PTPRN: variants seen among roughly 807,000 people sequenced by gnomAD.
PTPRN encodes the protein protein tyrosine phosphatase receptor type N.
In PTPRN, 70 loss-of-function variants were observed where a neutral mutation model predicts 108.5. The ratio of observed to expected loss-of-function variants is 0.65; its 90% confidence interval spans 0.53 to 0.79. The LOEUF (loss-of-function observed/expected upper bound fraction) is 0.79, where lower values mean the gene tolerates loss of function less well. Among genes scored for constraint, PTPRN ranks in the 30% least tolerant of loss-of-function variants. The probability of loss-of-function intolerance (pLI) is 0.00; values close to 1 mark genes in which losing one functional copy is unlikely to be tolerated. For synonymous variants in PTPRN, 496 were observed against 524.6 expected (o/e 0.95, Z 0.75); for missense variants, 1,136 against 1,295.5 (o/e 0.88, Z 1.89).
chr2:219,291,104 G>A (rs1257467009), intron 20 of PTPRN, among the ~76,000 whole-genome samples: 1 of 152,120 alleles, frequency 6.6e-6, no homozygotes, highest in Non-Finnish European at 1.5e-5. Context: ...TGTGACCTGT[G>A]GGTGTCATTT....
intron 19 of PTPRN, chr2:219,291,735 G>A (rs1286366713): frequency 1.7e-6 from 1 of 598,704 alleles, no homozygotes; most frequent in Non-Finnish European, 3.0e-6. Context: ...TGCAAGCTAG[G>A]TGCCCAAGCT....
At chr2:219,299,517 AG>A in intron 10 of PTPRN, 133 bp from the exon 11 acceptor site, 1 of 1,180,246 alleles carries the variant, frequency 8.5e-7, no homozygotes, top group Admixed American at 1.9e-5. Flanking sequence ...GGGGCATCTT[AG>A]GCAAGGAAGA....
chr2:219,296,595 G>A lies in PTPRN; in HGVS notation c.2311-79C>T. On this transcript the variant is annotated intron_variant, in intron 16 of 22. Coordinates refer to ENST00000295718, the MANE Select transcript of PTPRN (RefSeq NM_002846.4). This position sits in a 1 kb window ranked among gnomAD's most constrained non-coding sequence, Gnocchi z 6.0. Reference sequence around the variant, plus strand: ...AGGCGTGGTCAGAGCAAGTGGGTCAGGGTCTGAGAAGGCTGGCAGTTCCCC... The same window carrying A: ...AGGCGTGGTCAGAGCAAGTGGGTCAAGGTCTGAGAAGGCTGGCAGTTCCCC... 1.9e-6 allele frequency: 3 copies of A among 1,581,974 alleles called. No homozygotes were observed. Among genetic ancestry groups the A allele is most frequent in the South Asian group, 1.1e-5 (1 of 89,808 alleles).
chr2:219,299,719 C>T lies in PTPRN; in HGVS notation c.1504G>A (p.Gly502Ser). The change falls in exon 10 of 23, where the codon GGC becomes AGC. Residue 502 changes from glycine (G) to serine (S), a missense_variant. By Grantham distance (56) the Gly-to-Ser change is moderately conservative. Transcript: ENST00000295718. The stretch of plus-strand genomic sequence containing the variant: ...CCCCACCTGATGTTGATGAAGCTGC[C>T]TGAGGACATGTGCACATGCTCAGCC... ...ILAEHVHMSSGSFINISVVGP... is the reference protein window; with the variant it reads ...ILAEHVHMSSSSFINISVVGP... 1.2e-6 allele frequency: 2 copies of T among 1,604,802 alleles called. No individual in the cohort carries two copies. Among genetic ancestry groups the T allele is most frequent in the Non-Finnish European group, 1.7e-6 (2 of 1,172,774 alleles).
chr2:219,295,760 G>A (rs193211891), intron 18 of PTPRN: 10 of 159,554 alleles, frequency 6.3e-5, no homozygotes, highest in East Asian at 1.9e-4. Flanking sequence ...CGTATGTAAC[G>A]GGTGGTATGT....
intron 18 of PTPRN, chr2:219,295,441 A>G (rs1393919768): frequency 3.2e-6 from 1 of 309,654 alleles, no homozygotes; most frequent in African/African-American, 2.2e-5. Context: ...ATAAACTTGG[A>G]TGAAATTCTG....
Position 219,309,293 on chromosome 2 carries a change from C to T in PTPRN, c.40G>A (p.Gly14Arg), listed in dbSNP as rs764563263. 1.4e-5 allele frequency: 22 copies of T among 1,526,524 alleles called. No individual in the cohort carries two copies. In the East Asian group the frequency reaches 4.0e-4, roughly 28 times the overall value. 94.6% of individuals were successfully genotyped at this position (1,526,524 alleles called of 1,614,324 possible). Reference protein sequence around the residue: ...PRRPGGLGGSGGLRLLLCLLL... With the variant: ...PRRPGGLGGSRGLRLLLCLLL... ...AGGCAGAGGAGCAGCCGGAGACCCC[C>T]GGATCCCCCGAGACCCCCAGGCCGC... The change falls in exon 1 of 23, where the codon GGG (glycine) becomes AGG (arginine). Residue 14 changes from glycine (G) to arginine (R), a missense_variant. Gly to Arg is a moderately radical substitution (Grantham distance 125, BLOSUM62 -2). Transcript: ENST00000295718.
At chr2:219,294,886 C>T (rs1952144318) in intron 19 of PTPRN, 89 bp downstream of exon 19, 9 of 1,310,088 alleles carry the variant, frequency 6.9e-6, no homozygotes, top group Non-Finnish European at 7.9e-6. Context: ...GGCTCCAGGC[C>T]CGACCCGGGG....
chr2:219,301,795 G>T, intron 6 of PTPRN, 76 bp from the exon 7 acceptor site: 1 of 1,503,866 alleles, frequency 6.6e-7, no homozygotes, highest in Non-Finnish European at 9.0e-7. Context: ...GAGTGAGGGT[G>T]GGAAGGGACT....
intron 19 of PTPRN, among the ~76,000 whole-genome samples, chr2:219,293,503 A>G (rs1952099605): frequency 1.3e-5 from 2 of 152,304 alleles, no homozygotes; most frequent in African/African-American, 2.4e-5. Context: ...CTTAAGCAAC[A>G]GTTTATTTGT....
Position 219,289,819 on chromosome 2 carries a change from A to T in PTPRN, c.*407T>A. 5.6e-6 allele frequency: 1 copy of T among 178,576 alleles called. No individual in the cohort carries two copies. The highest frequency in any genetic ancestry group is 1.2e-5 in the Non-Finnish European group (1 of 83,852). 11.1% of individuals were successfully genotyped at this position (178,576 alleles called of 1,614,324 possible). A position where few individuals can be genotyped will look rare whatever the true frequency, so the allele number is the denominator to read the frequency against. ...AGAGGCAGGCCCGGGGCTGAGAAGC[A>T]GGGGGAGCCGGGTGTGGCGACCCTC... is the stretch of plus-strand genomic sequence containing the variant. On this transcript the variant is annotated 3_prime_UTR_variant, in exon 23 of 23. Coordinates refer to ENST00000295718, the MANE Select transcript of PTPRN (RefSeq NM_002846.4).
At position 219,290,307 on chromosome 2, in the gene PTPRN, G is replaced by A; in HGVS notation, c.2869-10C>T. The A allele has an allele frequency of 6.2e-7, 1 of 1,613,040 alleles. No individual in the cohort carries two copies. Among genetic ancestry groups the A allele is most frequent in the Middle Eastern group, 1.7e-4 (1 of 6,046 alleles). On this transcript the variant is annotated splice_polypyrimidine_tract_variant and intron_variant, in intron 22 of 22. Transcript: ENST00000295718. This position sits in a 1 kb window ranked among gnomAD's most constrained non-coding sequence, Gnocchi z 4.2. ...CAAATTCAAACTGGTCCTGAGGAAG[G>A]GCAGTGGTAGGATGGTCATGGAGAG...
At chr2:219,301,274 T>G (rs935802122) in intron 7 of PTPRN, among the ~76,000 whole-genome samples, 1 of 152,204 alleles carries the variant, frequency 6.6e-6, no homozygotes, top group Non-Finnish European at 1.5e-5. Context: ...TTCTTAGTAC[T>G]GGCTATGCCC....
chr2:219,296,593 C>A lies in PTPRN; in HGVS notation c.2311-77G>T. Reference sequence around the variant, plus strand: ...ACAGGCGTGGTCAGAGCAAGTGGGTCAGGGTCTGAGAAGGCTGGCAGTTCC... The same window carrying A: ...ACAGGCGTGGTCAGAGCAAGTGGGTAAGGGTCTGAGAAGGCTGGCAGTTCC... On this transcript the variant is annotated intron_variant, in intron 16 of 22. Transcript: ENST00000295718. This position sits in a 1 kb window ranked among gnomAD's most constrained non-coding sequence, Gnocchi z 6.0. The A allele has an allele frequency of 6.3e-7, 1 of 1,586,294 alleles. No homozygotes were observed. The highest frequency in any genetic ancestry group is 1.1e-5 in the South Asian group (1 of 89,794).
chr2:219,304,032 T>A (rs1165909973), intron 3 of PTPRN: 2 of 437,806 alleles, frequency 4.6e-6, no homozygotes, highest in African/African-American at 4.1e-5. Flanking sequence ...TGGGTTTGAA[T>A]CCTGCCTTTG....
At position 219,299,762 on chromosome 2, in the gene PTPRN, C is replaced by T; in HGVS notation, c.1461G>A (p.Val487=). The T allele has an allele frequency of 6.2e-7, 1 of 1,610,384 alleles. No individual in the cohort carries two copies. The highest frequency in any genetic ancestry group is 1.1e-5 in the South Asian group (1 of 90,896). The change falls in exon 10 of 23, where the codon GTG becomes GTA. Residue 487 remains valine (V), a synonymous_variant. Transcript: ENST00000295718. ...GCTCAGCCAGGATCTCCAGCAGCTT[C>T]ACTCCTGCAGCCAGGCTCAGGGGCC... ...DQKPLSLAAG[V]KLLEILAEHV... is the part of the protein sequence containing the mutation.
rs1396014380 is a variant in PTPRN at position 219,289,884 on chromosome 2, C to T, written c.*342G>A. On this transcript the variant is annotated 3_prime_UTR_variant, in exon 23 of 23. Coordinates refer to ENST00000295718, the MANE Select transcript of PTPRN (RefSeq NM_002846.4). Reference sequence around the variant, plus strand: ...ATACTGGAGCATAGGGGGACACACACAGATGTTCAGGGAACTCCCAGAACC... The same window carrying T: ...ATACTGGAGCATAGGGGGACACACATAGATGTTCAGGGAACTCCCAGAACC... The T allele has an allele frequency of 2.2e-5, 6 of 276,922 alleles. No individual in the cohort carries two copies. In the East Asian group the frequency reaches 4.6e-4, roughly 21 times the overall value. 17.2% of individuals were successfully genotyped at this position (276,922 alleles called of 1,614,324 possible). A position where few individuals can be genotyped will look rare whatever the true frequency, so the allele number is the denominator to read the frequency against.
rs964271186 is a variant in PTPRN, at chr2:219,290,327, G to T, written c.2869-30C>A. ...GGAAGGGCAGTGGTAGGATGGTCAT[G>T]GAGAGGGCTGACCTGTGCTCTGCCC... On this transcript the variant is annotated intron_variant, in intron 22 of 22. Coordinates refer to ENST00000295718, the MANE Select transcript of PTPRN (RefSeq NM_002846.4). The surrounding 1 kb of genome is among the most constrained non-coding windows in gnomAD (Gnocchi z 4.2). 1.1e-5 allele frequency: 18 copies of T among 1,602,454 alleles called. No homozygotes were observed. The highest frequency in any genetic ancestry group is 1.5e-5 in the Non-Finnish European group (17 of 1,170,854).
At chr2:219,291,323 G>T in intron 20 of PTPRN, 147 bp downstream of exon 20, 1 of 847,614 alleles carries the variant, frequency 1.2e-6, no homozygotes, top group Non-Finnish European at 2.0e-6. Flanking sequence ...TGAATGCCAC[G>T]CTTAGGTCTT....
Sources: allele counts gnomAD v4.1 joint callset (sites outside exome capture counted in the v4.1 genomes callset), GRCh38; gene constraint gnomAD v4.1.1; non-coding constraint Gnocchi (gnomAD v3.1); transcripts MANE v1.5; gene names NCBI Gene and HGNC (gene_info 2026-07-23, HGNC 2026-07-21).